The following MND1 variants were observed in gnomAD, a reference collection of about 807,000 sequenced individuals.
MND1 encodes the protein meiotic nuclear divisions 1.
MND1 carries 28 observed loss-of-function variants against 35.1 expected under a neutral mutation model. The ratio of observed to expected loss-of-function variants is 0.80; its 90% confidence interval spans 0.59 to 1.09. MND1 has a LOEUF of 1.09. Ranked by LOEUF, MND1 falls within the 50% of genes least tolerant of loss-of-function variation. The probability of loss-of-function intolerance (pLI) is 0.00; values close to 1 mark genes in which losing one functional copy is unlikely to be tolerated. For missense variants in MND1, 213 were observed against 239.6 expected (o/e 0.89, Z 0.73); for synonymous variants, 69 against 70.5 (o/e 0.98, Z 0.11).
At chr4:153,398,715 A>T (rs1729266966) in intron 6 of MND1, among the ~76,000 whole-genome samples, 1 of 152,214 alleles carries the variant, frequency 6.6e-6, no homozygotes, top group African/African-American at 2.4e-5. Flanking sequence ...CTGACCACAG[A>T]TTTATTTGTC....
Position 153,352,349 on chromosome 4 carries a change from C to T in MND1, c.69+2220C>T, listed in dbSNP as rs576389798. On this transcript the variant is annotated intron_variant, in intron 2 of 7. Transcript: ENST00000240488. ...CTGCTAATGTAATAAATTATTTGCC[C>T]GTTGCACTTAGGAAGAACATGAGAA... 7.9e-5 allele frequency among the ~76,000 whole-genome samples: 12 copies of T among 152,110 alleles called. No homozygotes were observed. The East Asian group carries it at 2.1e-3, about 27-fold the overall frequency.
At chr4:153,393,890 A>G (rs911550365) in intron 4 of MND1, among the ~76,000 whole-genome samples, 1 of 147,346 alleles carries the variant, frequency 6.8e-6, no homozygotes, top group Non-Finnish European at 1.5e-5. Flanking sequence ...AAATTGGAGA[A>G]ATTAGTTCCC....
At chr4:153,399,408 T>C (rs551531351) in intron 6 of MND1, among the ~76,000 whole-genome samples, 1 of 152,296 alleles carries the variant, frequency 6.6e-6, no homozygotes. Flanking sequence ...ATAAAACTCT[T>C]ATTTAGGCTT....
At chr4:153,407,270 C>A (rs961382580) in intron 6 of MND1, among the ~76,000 whole-genome samples, 4 of 152,156 alleles carry the variant, frequency 2.6e-5, no homozygotes, top group Non-Finnish European at 5.9e-5. Flanking sequence ...TGGAGACCAG[C>A]CTGACCAACA....
At position 153,350,084 on chromosome 4, in the gene MND1, T is replaced by C. The variant is rs1419205794; in HGVS notation, c.24T>C (p.Ser8=). MSKKKGL[S]AEEKRTRMME... ...TTTAGTCAAAGAAAAAAGGACTGAG[T>C]GCAGAAGAAAAGAGAACTCGCATGA... Residue 8 remains serine (S), a synonymous_variant, in exon 2 of 8, where the codon AGT becomes AGC. Transcript: ENST00000240488. The C allele has an allele frequency of 6.2e-7, 1 of 1,606,678 alleles. No individual in the cohort carries two copies. Among genetic ancestry groups the C allele is most frequent in the Admixed American group, 1.7e-5 (1 of 58,734 alleles).
chr4:153,394,532 A>G (rs1422939296), intron 5 of MND1, among the ~76,000 whole-genome samples, 196 bp downstream of exon 5: 1 of 152,198 alleles, frequency 6.6e-6, no homozygotes, highest in African/African-American at 2.4e-5. Context: ...GCAGCATAGC[A>G]TAGAAGCATA....
chr4:153,357,257 C>T (rs1184519092), intron 3 of MND1, among the ~76,000 whole-genome samples: 1 of 152,048 alleles, frequency 6.6e-6, no homozygotes, highest in Non-Finnish European at 1.5e-5. Flanking sequence ...TTTATGTACA[C>T]CACACAATTA....
chr4:153,411,758 G>C (rs908094634), intron 7 of MND1, among the ~76,000 whole-genome samples: 8 of 152,124 alleles, frequency 5.3e-5, no homozygotes, highest in African/African-American at 1.7e-4. Flanking sequence ...TCATTTCCTA[G>C]AAATCTTTCT....
intron 4 of MND1, among the ~76,000 whole-genome samples, chr4:153,359,779 C>CTTT (rs34112305): frequency 2.6e-3 from 161 of 61,892 alleles, no homozygotes; most frequent in African/African-American, 3.2e-3. Flanking sequence ...TTTGGAAGAT[C>CTTT]TTTTTTTTTT....
At chr4:153,384,661 C>T (rs1728805563) in intron 4 of MND1, among the ~76,000 whole-genome samples, 1 of 151,902 alleles carries the variant, frequency 6.6e-6, no homozygotes, top group African/African-American at 2.4e-5. Flanking sequence ...TAGGCTCTGA[C>T]TCTGCCTGAC....
intron 4 of MND1, among the ~76,000 whole-genome samples, chr4:153,367,457 G>A (rs1162804640): frequency 6.6e-6 from 1 of 152,114 alleles, no homozygotes; most frequent in Non-Finnish European, 1.5e-5. Flanking sequence ...TATTTTCAAA[G>A]TTCATCTATG....
At chr4:153,350,208 T>G in intron 2 of MND1, 79 bp downstream of exon 2, 1 of 1,018,518 alleles carries the variant, frequency 9.8e-7, no homozygotes, top group Non-Finnish European at 1.5e-6. Context: ...AACTGTCCCC[T>G]CTTTGTTAAA....
chr4:153,403,674 A>G (rs1339852725), intron 6 of MND1, among the ~76,000 whole-genome samples: 1 of 151,960 alleles, frequency 6.6e-6, no homozygotes, highest in Non-Finnish European at 1.5e-5. Flanking sequence ...TTGGCTCACT[A>G]CAACCTCTGC....
chr4:153,379,798 C>T (rs180718384), intron 4 of MND1, among the ~76,000 whole-genome samples: 42 of 144,544 alleles, frequency 2.9e-4, no homozygotes, highest in African/African-American at 7.5e-4. Flanking sequence ...TGCAGTGAGC[C>T]GAGACCACAC....
chr4:153,407,215 G>A (rs1229668172), intron 6 of MND1, among the ~76,000 whole-genome samples: 1 of 152,198 alleles, frequency 6.6e-6, no homozygotes. Flanking sequence ...TGTAATCCCA[G>A]CACTTTGGGA....
At chr4:153,413,429 C>G (rs1292089375) in intron 7 of MND1, among the ~76,000 whole-genome samples, 1 of 152,044 alleles carries the variant, frequency 6.6e-6, no homozygotes, top group Admixed American at 6.6e-5. Context: ...CTTGTAATCC[C>G]AGCATTTTGG....
intron 4 of MND1, among the ~76,000 whole-genome samples, chr4:153,382,755 CAAAATT>C (rs1348890315): frequency 2.0e-5 from 3 of 151,948 alleles, no homozygotes; most frequent in South Asian, 2.1e-4. Context: ...TTCTAATAAA[CAAAATT>C]AAAGGAACTG....
At position 153,414,826 on chromosome 4, in the gene MND1, G is replaced by C. The variant is rs1260896849; in HGVS notation, c.587G>C (p.Gly196Ala). 2 of 1,553,540 alleles carry C rather than the reference G, an allele frequency of 1.3e-6. No individual in the cohort carries two copies. Among genetic ancestry groups the C allele is most frequent in the Admixed American group, 3.7e-5 (2 of 54,352 alleles). ...GAAAATAAAATTGATAGAACTTTTG[G>C]AATTCCAGAAGACTTTGACTACATA... ...FEENKIDRTF[G>A]IPEDFDYID Residue 196 changes from glycine (G) to alanine (A), a missense_variant, in exon 8 of 8, where the codon GGA (glycine) becomes GCA (alanine). Transcript: ENST00000240488.
At chr4:153,376,087 GATA>G (rs1445975621) in intron 4 of MND1, among the ~76,000 whole-genome samples, 1 of 152,168 alleles carries the variant, frequency 6.6e-6, no homozygotes, top group Non-Finnish European at 1.5e-5. Flanking sequence ...TGGCTCGACA[GATA>G]ATAATTATAA....
Sources: gnomAD v4.1 joint callset for allele counts (sites outside exome capture counted in the v4.1 genomes callset) on GRCh38, gnomAD v4.1.1 for gene constraint, MANE v1.5 for transcripts, NCBI Gene and HGNC (gene_info 2026-07-23, HGNC 2026-07-21) for gene names.